The following TIAL1 variants were observed in gnomAD, a reference collection of about 807,000 sequenced individuals.
The protein encoded by TIAL1 is TIA1 cytotoxic granule associated RNA binding protein like 1, also known as nucleolysin TIAR.
In TIAL1, 7 loss-of-function variants were observed where a neutral mutation model predicts 59.7. The observed-to-expected ratio is 0.12, with a 90% CI of 0.07 to 0.22. The LOEUF (loss-of-function observed/expected upper bound fraction) is 0.22, where lower values mean the gene tolerates loss of function less well. Among genes scored for constraint, TIAL1 ranks in the 10% least tolerant of loss-of-function variants. TIAL1 has a pLI of 1.00. For missense variants in TIAL1, 225 were observed against 462.5 expected, an observed-to-expected ratio of 0.49 and a Z score of 4.71; for synonymous variants, 149 against 146.3, an observed-to-expected ratio of 1.02 and a Z score of -0.13.
intron 1 of TIAL1, among the ~76,000 whole-genome samples, chr10:119,588,861 A>G (rs940193281): frequency 2.0e-5 from 3 of 152,192 alleles, no homozygotes; most frequent in African/African-American, 7.2e-5. Context: ...TTCTCATCTT[A>G]TTCTAATTGT....
intron 1 of TIAL1, among the ~76,000 whole-genome samples, chr10:119,595,561 T>C (rs934656414): frequency 6.6e-6 from 1 of 152,044 alleles, no homozygotes; most frequent in Non-Finnish European, 1.5e-5. Flanking sequence ...GAAGATGGAA[T>C]TCATTCATTA....
At chr10:119,586,331 C>G (rs1845569673) in intron 2 of TIAL1, among the ~76,000 whole-genome samples, 1 of 152,170 alleles carries the variant, frequency 6.6e-6, no homozygotes, top group Non-Finnish European at 1.5e-5. Flanking sequence ...TTCCCTATGT[C>G]CCACAGCCAA....
intron 2 of TIAL1, among the ~76,000 whole-genome samples, chr10:119,585,304 A>C (rs138950349): frequency 6.7e-6 from 1 of 150,038 alleles, no homozygotes; most frequent in East Asian, 2.0e-4. Context: ...AAACACATTT[A>C]AAAATGAACT....
intron 11 of TIAL1, among the ~76,000 whole-genome samples, chr10:119,576,155 C>T (rs925407689): frequency 5.3e-5 from 8 of 149,810 alleles, no homozygotes; most frequent in Non-Finnish European, 3.0e-5. Context: ...TATGGGCTGG[C>T]CCTGGGCAGG....
rs1460311148 is a variant in TIAL1, at chr10:119,574,422, T to C, written c.*1243A>G. On this transcript the variant is annotated 3_prime_UTR_variant, in exon 12 of 12. Transcript: ENST00000436547. ...GGTACATTGAAGTGTCTAAATAAGA[T>C]GTTTTTAGCAATCTTGTTAAAAAAA... is the stretch of plus-strand genomic sequence containing the variant. The C allele has an allele frequency of 6.6e-6, 1 of 152,316 alleles. No homozygotes were observed. The highest frequency in any genetic ancestry group is 1.5e-5 in the Non-Finnish European group (1 of 67,998). 9.4% of individuals were successfully genotyped at this position (152,316 alleles called of 1,614,324 possible).
chr10:119,582,390 G>C lies in TIAL1; in HGVS notation c.228+69C>G. On this transcript the variant is annotated intron_variant, in intron 3 of 11. Transcript: ENST00000436547. This position sits in a 1 kb window ranked among gnomAD's most constrained non-coding sequence, Gnocchi z 5.1. ...GAATATCTGCTCAAAAATTTGCCTA[G>C]AAAGAATACAAACTAGTTTGACATG... The C allele has an allele frequency of 2.6e-6, 4 of 1,520,618 alleles. No homozygotes were observed. Among genetic ancestry groups the C allele is most frequent in the Non-Finnish European group, 3.5e-6 (4 of 1,139,970 alleles). 94.2% of individuals were successfully genotyped at this position (1,520,618 alleles called of 1,614,324 possible). A position where few individuals can be genotyped will look rare whatever the true frequency, so the allele number is the denominator to read the frequency against.
In TIAL1 at chr10:119,596,943, TGA is replaced by T. The variant is rs1846238529; in HGVS notation, c.-480_-479del. 2 of 175,898 alleles carry T rather than the reference TGA, an allele frequency of 1.1e-5. No homozygotes were observed. The highest frequency in any genetic ancestry group is 9.7e-5 in the South Asian group (1 of 10,312). The allele number at this position is 175,898 out of a possible 1,614,324, so 10.9% of individuals were successfully genotyped here. ...TCTCTGGGAATTGTGGTCCTGGAAA[TGA>T]GAGAGGGAAGCACTTCTGCAGAGGA... On this transcript the variant is annotated 5_prime_UTR_variant, in exon 1 of 12. Transcript: ENST00000436547.
At chr10:119,595,348 C>G (rs1165859852) in intron 1 of TIAL1, among the ~76,000 whole-genome samples, 7 of 151,676 alleles carry the variant, frequency 4.6e-5, no homozygotes. Flanking sequence ...GATCTGACTC[C>G]TTGGTACTCA....
At position 119,582,600 on chromosome 10, in the gene TIAL1, A is replaced by C. The variant is rs1845353288; in HGVS notation, c.130-43T>G. On this transcript the variant is annotated intron_variant, in intron 2 of 11. Coordinates refer to ENST00000436547, the MANE Select transcript of TIAL1 (RefSeq NM_003252.4). The surrounding 1 kb of genome is among the most constrained non-coding windows in gnomAD (Gnocchi z 5.1). ...CAACAGAAGAGTTGACCCTTCTGCT[A>C]TCGGGTTGCTGAGAAGAAAATCCAG... The C allele has an allele frequency of 6.2e-7, 1 of 1,600,518 alleles. No individual in the cohort carries two copies. The highest frequency in any genetic ancestry group is 8.5e-7 in the Non-Finnish European group (1 of 1,175,584).
chr10:119,580,993 G>A (rs1029974703), intron 5 of TIAL1: 30 of 207,176 alleles, frequency 1.4e-4, no homozygotes, highest in African/African-American at 6.1e-4. Context: ...ACCACATTTA[G>A]ATTAAAAAGC....
chr10:119,591,085 C>CA (rs1845861296), intron 1 of TIAL1, among the ~76,000 whole-genome samples: 1 of 151,904 alleles, frequency 6.6e-6, no homozygotes. Context: ...CTAATAGTCA[C>CA]AAAAAAAGCC....
intron 1 of TIAL1, 58 bp downstream of exon 1, chr10:119,596,376 A>G: frequency 1.2e-6 from 2 of 1,600,996 alleles, no homozygotes; most frequent in Admixed American, 1.7e-5. Context: ...TCCCTCCCTT[A>G]GCGTCCCGCG....
rs961309351 is a variant in TIAL1 at position 119,582,154 on chromosome 10, AG to A, written c.283+14del. On this transcript the variant is annotated intron_variant, in intron 4 of 11. Coordinates refer to ENST00000436547, the MANE Select transcript of TIAL1 (RefSeq NM_003252.4). This position sits in a 1 kb window ranked among gnomAD's most constrained non-coding sequence, Gnocchi z 5.1. Reference sequence around the variant, plus strand: ...TCAGAACTCTTCCACAGTAAAATGCAGCAGGAGTACTTACTGGAAGTATCTT... The same window carrying A: ...TCAGAACTCTTCCACAGTAAAATGCACAGGAGTACTTACTGGAAGTATCTT... 8.7e-6 allele frequency: 14 copies of A among 1,605,824 alleles called. No individual in the cohort carries two copies. In the African/African-American group the frequency reaches 1.3e-4, roughly 15 times the overall value.
At chr10:119,575,851 T>C in intron 11 of TIAL1, 60 bp from the exon 12 acceptor site, 1 of 1,474,138 alleles carries the variant, frequency 6.8e-7, no homozygotes, top group Non-Finnish European at 9.0e-7. Context: ...ACATATGTAT[T>C]TACACAAAAA....
chr10:119,577,566 G>A, intron 8 of TIAL1, 31 bp from the exon 9 acceptor site: 1 of 1,608,048 alleles, frequency 6.2e-7, no homozygotes, highest in East Asian at 2.2e-5. Context: ...ATAAAACATG[G>A]CTGATGTGTA....
At chr10:119,579,028 CA>C in intron 6 of TIAL1, 194 bp from the exon 7 acceptor site, 1 of 589,022 alleles carries the variant, frequency 1.7e-6, no homozygotes, top group Non-Finnish European at 3.0e-6. Flanking sequence ...TAAGCAAAAA[CA>C]GAATACTCTG....
intron 11 of TIAL1, among the ~76,000 whole-genome samples, chr10:119,576,002 T>A (rs972252747): frequency 3.3e-5 from 5 of 152,118 alleles, no homozygotes; most frequent in African/African-American, 1.2e-4. Context: ...AACCACAACT[T>A]AACACACTGA....
chr10:119,590,764 GAA>G (rs1491326593), intron 1 of TIAL1, among the ~76,000 whole-genome samples: 14 of 53,028 alleles, frequency 2.6e-4, no homozygotes, highest in Non-Finnish European at 1.4e-4. Flanking sequence ...GAGAAAGAGA[GAA>G]AGAAAGAAAG....
chr10:119,581,815 A>T, intron 5 of TIAL1, 107 bp downstream of exon 5: 1 of 879,072 alleles, frequency 1.1e-6, no homozygotes, highest in Non-Finnish European at 1.7e-6. Context: ...ATAAGAAACA[A>T]AACAAAACCA....
Sources: allele counts gnomAD v4.1 joint callset (sites outside exome capture counted in the v4.1 genomes callset), GRCh38; gene constraint gnomAD v4.1.1; non-coding constraint Gnocchi (gnomAD v3.1); transcripts MANE v1.5; gene names NCBI Gene and HGNC (gene_info 2026-07-23, HGNC 2026-07-21).